The following POMT1 variants were observed in gnomAD, a reference collection of about 807,000 sequenced individuals.
The protein encoded by POMT1 is protein O-mannosyltransferase 1.
A neutral mutation model predicts 101.6 loss-of-function variants in POMT1; 85 were observed. The ratio of observed to expected loss-of-function variants is 0.84; its 90% CI spans 0.70 to 1.00. The LOEUF is 1.00. POMT1 is among the 50% of genes least tolerant of loss of function. POMT1 has a pLI of 0.00. For synonymous variants in POMT1, 371 were observed against 383.0 expected, an observed-to-expected ratio of 0.97 and a Z score of 0.37; for missense variants, 857 against 930.4, an observed-to-expected ratio of 0.92 and a Z score of 1.03.
intron 2 of POMT1, among the ~76,000 whole-genome samples, chr9:131,504,792 T>TGTGTGTGTGTGTG (rs71372738): frequency 6.6e-6 from 1 of 150,986 alleles, no homozygotes; most frequent in South Asian, 2.1e-4. Context: ...TGTGTGTGTG[T>TGTGTGTGTGTGTG]TTTTGAGACG....
chr9:131,512,192 G>A (rs937336901), intron 11 of POMT1, 56 bp downstream of exon 11: 42 of 1,593,750 alleles, frequency 2.6e-5, no homozygotes, highest in East Asian at 4.5e-5. Context: ...CTGGCCAGGC[G>A]AGACCCTGGG....
At chr9:131,517,032 A>G (rs2131820281) in intron 13 of POMT1, 1 of 152,362 alleles carries the variant, frequency 6.6e-6, no homozygotes, top group African/African-American at 2.4e-5. Context: ...ATCTAAGGAC[A>G]TGGACACTAA....
At chr9:131,515,930 G>C (rs75256542) in intron 13 of POMT1, among the ~76,000 whole-genome samples, 25 of 56,362 alleles carry the variant, frequency 4.4e-4, no homozygotes, top group Admixed American at 1.2e-3. Context: ...CTTCCTCACA[G>C]GGAGCACTTC....
intron 10 of POMT1, 60 bp downstream of exon 10, chr9:131,511,527 T>C (rs918862410): frequency 1.4e-5 from 23 of 1,601,968 alleles, no homozygotes; most frequent in Admixed American, 8.3e-5. Context: ...TAGATTTGCT[T>C]ATCTTAGCAA....
At chr9:131,506,090 A>G (rs781369332) in intron 2 of POMT1, 24 bp from the exon 3 acceptor site, 2 of 1,610,766 alleles carry the variant, frequency 1.2e-6, no homozygotes, top group South Asian at 1.1e-5. Context: ...TGAATATAAT[A>G]TGGGTTGTTG....
chr9:131,518,158 CAG>C (rs1949122955), intron 13 of POMT1: 1 of 463,388 alleles, frequency 2.2e-6, no homozygotes, highest in South Asian at 2.0e-5. Flanking sequence ...ATAGGCTTTG[CAG>C]AGAGGCACGA....
rs768433898 is a variant in POMT1 at position 131,506,499 on chromosome 9, T to A, written c.280+46T>A. 3.9e-6 allele frequency: 6 copies of A among 1,543,328 alleles called. No homozygotes were observed. The South Asian group carries it at 6.7e-5, about 17-fold the overall frequency. ...CCCTTTTAATGTGCGCAGGTTAGAA[T>A]GAAGAGATTGTGACTTTTGTAAGGA... On this transcript the variant is annotated intron_variant, in intron 4 of 19. Coordinates refer to ENST00000402686, the MANE Select transcript of POMT1 (RefSeq NM_001077365.2).
chr9:131,508,462 C>T (rs990892614), intron 5 of POMT1, among the ~76,000 whole-genome samples: 5 of 151,368 alleles, frequency 3.3e-5, no homozygotes, highest in African/African-American at 1.2e-4. Context: ...ACCCGGGAGG[C>T]GGAGGTTGCA....
At chr9:131,517,461 G>A (rs10793884) in intron 13 of POMT1, among the ~76,000 whole-genome samples, 134,696 of 151,884 alleles carry the variant, frequency 0.89, 60,429 homozygotes, top group South Asian at 0.97. Context: ...AATTTTTTGT[G>A]GAGATGGGGT....
chr9:131,508,456 G>A (rs1203111185), intron 5 of POMT1, among the ~76,000 whole-genome samples: 2 of 151,982 alleles, frequency 1.3e-5, no homozygotes, highest in South Asian at 2.1e-4. Context: ...GCTTGAACCC[G>A]GGAGGCGGAG....
At chr9:131,515,770 A>ACGGACAC (rs1564366664) in intron 13 of POMT1, among the ~76,000 whole-genome samples, 14 of 25,392 alleles carry the variant, frequency 5.5e-4, no homozygotes, top group African/African-American at 8.9e-4. Context: ...TTCCTCTAAC[A>ACGGACAC]TGGAGCACTT....
At chr9:131,509,483 G>T (rs1946618245) in intron 6 of POMT1, among the ~76,000 whole-genome samples, 2 of 152,080 alleles carry the variant, frequency 1.3e-5, no homozygotes, top group African/African-American at 4.8e-5. Flanking sequence ...ATATTTTGGG[G>T]GTTGGCCCTT....
intron 13 of POMT1, among the ~76,000 whole-genome samples, chr9:131,516,395 G>A (rs1328726802): frequency 4.0e-5 from 6 of 149,904 alleles, no homozygotes; most frequent in Admixed American, 2.0e-4. Flanking sequence ...TTCCTCACAC[G>A]GAGCACTTCC....
intron 5 of POMT1, among the ~76,000 whole-genome samples, chr9:131,507,864 T>C (rs1049369275): frequency 2.0e-5 from 3 of 152,206 alleles, no homozygotes; most frequent in African/African-American, 7.2e-5. Flanking sequence ...TGAGATGGAC[T>C]CGTGAGTCAG....
Position 131,523,045 on chromosome 9 carries a change from C to T in POMT1, c.2117C>T (p.Pro706Leu). The T allele has an allele frequency of 6.2e-7, 1 of 1,611,432 alleles. No individual in the cohort carries two copies. Among genetic ancestry groups the T allele is most frequent in the South Asian group, 1.1e-5 (1 of 90,856 alleles). Residue 706 changes from proline to leucine, a missense_variant, in exon 20 of 20, where the codon CCA (proline) becomes CTA (leucine). Coordinates refer to ENST00000402686, the MANE Select transcript of POMT1 (RefSeq NM_001077365.2). ...PLTYGDKSLS[P>L]HELKALRWKD... ...ACCTACGGGGACAAGTCACTCTCGCCACATGAACTCAAGGCCCTTCGCTGG... is the reference window on the plus strand; with the variant it reads ...ACCTACGGGGACAAGTCACTCTCGCTACATGAACTCAAGGCCCTTCGCTGG...
Position 131,507,517 on chromosome 9 carries a change from A to G in POMT1, c.427+3A>G. Reference sequence around the variant, plus strand: ...AGCTGCTCTGTTGATGCTTATCGGTAAGACCTGCGCCCCTGCCTGCTCTTG... The same window carrying G: ...AGCTGCTCTGTTGATGCTTATCGGTGAGACCTGCGCCCCTGCCTGCTCTTG... On this transcript the variant is annotated splice_donor_region_variant and intron_variant, in intron 5 of 19. Transcript: ENST00000402686. 1 of 1,614,060 alleles carries G rather than the reference A, an allele frequency of 6.2e-7. No individual in the cohort carries two copies. Among genetic ancestry groups the G allele is most frequent in the Non-Finnish European group, 8.5e-7 (1 of 1,180,022 alleles).
intron 11 of POMT1, 25 bp downstream of exon 11, chr9:131,512,161 G>C: frequency 1.2e-6 from 2 of 1,611,780 alleles, no homozygotes; most frequent in Middle Eastern, 1.7e-4. Flanking sequence ...TGTGACTCCA[G>C]AGCAGAGCTC....
In POMT1 at chr9:131,520,616, G is replaced by A. The variant is rs535337542; in HGVS notation, c.1698+423G>A. Reference sequence around the variant, plus strand: ...ATAAATATTCACTGAATGGGCAGACGCTGGAAATGCCCACCTTTTTCCTCC... The same window carrying A: ...ATAAATATTCACTGAATGGGCAGACACTGGAAATGCCCACCTTTTTCCTCC... On this transcript the variant is annotated intron_variant, in intron 17 of 19. Coordinates refer to ENST00000402686, the MANE Select transcript of POMT1 (RefSeq NM_001077365.2). Among the ~76,000 whole-genome samples, 65 of 152,212 alleles carry A rather than the reference G, an allele frequency of 4.3e-4. 1 individual carries two copies. The highest frequency in any genetic ancestry group is 3.2e-4 in the Non-Finnish European group (22 of 68,038).
At chr9:131,515,346 T>C (rs2131747214) in intron 12 of POMT1, 80 bp from the exon 13 acceptor site, 2 of 1,452,562 alleles carry the variant, frequency 1.4e-6, no homozygotes, top group South Asian at 2.3e-5. Context: ...AAAAGCAACC[T>C]TTTCCTGCCT....
Sources: allele counts gnomAD v4.1 joint callset (sites outside exome capture counted in the v4.1 genomes callset), GRCh38; gene constraint gnomAD v4.1.1; transcripts MANE v1.5; gene names NCBI Gene and HGNC (gene_info 2026-07-23, HGNC 2026-07-21).